The following IFNG-AS1 variants were observed in gnomAD, a reference collection of about 807,000 sequenced individuals.
IFNG-AS1 encodes IFNG antisense RNA 1 (non-protein coding).
intron 2 of IFNG-AS1, among the ~76,000 whole-genome samples, chr12:67,996,649 TTC>T (rs1449304815): frequency 6.6e-6 from 1 of 152,190 alleles, no homozygotes; most frequent in Non-Finnish European, 1.5e-5. Flanking sequence ...TGAACTTGGC[TTC>T]TCTCTTTCAA....
chr12:67,990,262 C>T (rs1384415088), intron 1 of IFNG-AS1, among the ~76,000 whole-genome samples: 1 of 152,160 alleles, frequency 6.6e-6, no homozygotes, highest in Non-Finnish European at 1.5e-5. Context: ...AAATTGACTT[C>T]TTAATGTTCT....
chr12:67,994,051 C>T (rs1440281983), intron 1 of IFNG-AS1, among the ~76,000 whole-genome samples: 1 of 152,210 alleles, frequency 6.6e-6, no homozygotes, highest in Non-Finnish European at 1.5e-5. Flanking sequence ...AAACCCCACT[C>T]ATTGTGGCAT....
At chr12:68,011,547 A>G (rs944443467) in intron 3 of IFNG-AS1, among the ~76,000 whole-genome samples, 5 of 152,240 alleles carry the variant, frequency 3.3e-5, no homozygotes, top group Admixed American at 6.5e-5. Context: ...TGATCTTGAG[A>G]TGATGTTCCA....
chr12:68,009,725 C>A (rs1431852080), intron 3 of IFNG-AS1, among the ~76,000 whole-genome samples: 3 of 152,126 alleles, frequency 2.0e-5, no homozygotes, highest in Non-Finnish European at 4.4e-5. Flanking sequence ...CTGGGCAGCT[C>A]TCCTCCATGC....
chr12:68,009,884 T>A (rs1216002285), intron 3 of IFNG-AS1, among the ~76,000 whole-genome samples: 2 of 152,180 alleles, frequency 1.3e-5, no homozygotes, highest in Non-Finnish European at 2.9e-5. Context: ...ATTAAAATAT[T>A]TGAAGCCCAC....
intron 1 of IFNG-AS1, chr12:67,995,823 C>T (rs1240207302): frequency 2.0e-5 from 3 of 151,722 alleles, no homozygotes; most frequent in Non-Finnish European, 4.4e-5. Context: ...TTTATCCCAA[C>T]AAATGCAAAA....
At chr12:68,002,152 T>G (rs1879783976) in intron 2 of IFNG-AS1, among the ~76,000 whole-genome samples, 1 of 152,218 alleles carries the variant, frequency 6.6e-6, no homozygotes, top group Non-Finnish European at 1.5e-5. Context: ...CTAGAATCAA[T>G]GAGACCAAGG....
chr12:68,006,341 GA>G (rs897233856), intron 3 of IFNG-AS1, among the ~76,000 whole-genome samples: 3 of 152,100 alleles, frequency 2.0e-5, no homozygotes, highest in South Asian at 2.1e-4. Context: ...AAGAATTCTA[GA>G]AAAAAGTTAA....
In IFNG-AS1 at chr12:67,992,249, A is replaced by G. The variant is rs369709034; in HGVS notation, n.51+2670A>G. ...TAATATCTGGCTTTGGTAATTCACC[A>G]TTAAATTGTTGAGGTTTATCCATGT... On this transcript the variant is annotated intron_variant and non_coding_transcript_variant, in intron 1 of 5. Coordinates refer to ENST00000536914, the Ensembl canonical transcript of IFNG-AS1. 7.9e-5 allele frequency among the ~76,000 whole-genome samples: 12 copies of G among 152,368 alleles called. No individual in the cohort carries two copies. The East Asian group carries it at 2.1e-3, about 27-fold the overall frequency.
Position 68,015,954 on chromosome 12 carries a change from A to G in IFNG-AS1, n.242-3908A>G, listed in dbSNP as rs567267590. The stretch of plus-strand genomic sequence containing the variant: ...CTGAAAACTAGAGACGGGGGGGGGA[A>G]AAAAAACCTTTCCCAGAAATTGACA... On this transcript the variant is annotated intron_variant and non_coding_transcript_variant, in intron 3 of 5. Transcript: ENST00000536914. 8.1e-5 allele frequency among the ~76,000 whole-genome samples: 12 copies of G among 147,748 alleles called. No individual in the cohort carries two copies. The South Asian group carries it at 1.7e-3, about 21-fold the overall frequency.
chr12:67,995,722 C>CAA (rs34179056), intron 1 of IFNG-AS1, among the ~76,000 whole-genome samples: 15 of 77,324 alleles, frequency 1.9e-4, no homozygotes, highest in East Asian at 1.2e-3. Context: ...ACTCGGTCTC[C>CAA]AAAAAAAAAA....
At chr12:68,001,541 GC>G in intron 2 of IFNG-AS1, 1 of 213,100 alleles carries the variant, frequency 4.7e-6, no homozygotes, top group South Asian at 8.7e-5. Flanking sequence ...AACCTTGCGA[GC>G]AGACATAGTG....
chr12:68,005,293 G>C (rs1373705684), intron 2 of IFNG-AS1, among the ~76,000 whole-genome samples: 1 of 152,166 alleles, frequency 6.6e-6, no homozygotes, highest in Non-Finnish European at 1.5e-5. Flanking sequence ...TTATTCCTTA[G>C]AGGGTTTACA....
intron 2 of IFNG-AS1, among the ~76,000 whole-genome samples, chr12:68,002,743 G>A (rs569180873): frequency 2.0e-5 from 3 of 152,246 alleles, no homozygotes; most frequent in East Asian, 3.9e-4. Flanking sequence ...TTTCATAGAT[G>A]AGGACTTTTG....
chr12:68,019,116 G>A (rs1180797368), intron 3 of IFNG-AS1, among the ~76,000 whole-genome samples: 9 of 152,018 alleles, frequency 5.9e-5, no homozygotes, highest in East Asian at 1.9e-4. Flanking sequence ...CTTTAATTTC[G>A]AGGCAAATGG....
chr12:68,017,293 GTGAAGGTTTGGGT>G (rs1228722639), intron 3 of IFNG-AS1, among the ~76,000 whole-genome samples: 2 of 152,186 alleles, frequency 1.3e-5, no homozygotes, highest in Non-Finnish European at 2.9e-5. Context: ...GTAAACCATG[GTGAAGGTTTGGGT>G]TGAATTCCAA....
intron 3 of IFNG-AS1, among the ~76,000 whole-genome samples, chr12:68,011,871 A>G (rs1334353899): frequency 6.6e-6 from 1 of 152,116 alleles, no homozygotes; most frequent in Non-Finnish European, 1.5e-5. Flanking sequence ...AAGATTAGAG[A>G]GAATAGAGAA....
In IFNG-AS1 at chr12:68,016,215, T is replaced by G. The variant is rs137995888; in HGVS notation, n.242-3647T>G. Among the ~76,000 whole-genome samples the G allele has an allele frequency of 2.4e-3, 359 of 152,228 alleles. 2 individuals carry two copies. Among genetic ancestry groups the G allele is most frequent in the Middle Eastern group, 0.01 (3 of 294 alleles). On this transcript the variant is annotated intron_variant and non_coding_transcript_variant, in intron 3 of 5. Transcript: ENST00000536914. Reference sequence around the variant, plus strand: ...ATCAGAAGTTACAGGTGACCTCAGATCTCCTCTCTTGCGATGCATACCGTG... The same window carrying G: ...ATCAGAAGTTACAGGTGACCTCAGAGCTCCTCTCTTGCGATGCATACCGTG...
In IFNG-AS1 at chr12:68,010,999, T is replaced by C. The variant is rs1880013232; in HGVS notation, n.241+4853T>C. On this transcript the variant is annotated intron_variant and non_coding_transcript_variant, in intron 3 of 5. Coordinates refer to ENST00000536914, the Ensembl canonical transcript of IFNG-AS1. Reference sequence around the variant, plus strand: ...ATTATCTCGTTGAATCTTCAGACACTACTATGAGGTAGGTTTTTAGATGAG... The same window carrying C: ...ATTATCTCGTTGAATCTTCAGACACCACTATGAGGTAGGTTTTTAGATGAG... 2.0e-5 allele frequency among the ~76,000 whole-genome samples: 3 copies of C among 152,220 alleles called. No individual in the cohort carries two copies. The South Asian group carries it at 6.2e-4, about 32-fold the overall frequency.
Sources: allele counts gnomAD v4.1 joint callset (sites outside exome capture counted in the v4.1 genomes callset), GRCh38; gene constraint gnomAD v4.1.1; transcripts MANE v1.5; gene names NCBI Gene and HGNC (gene_info 2026-07-23, HGNC 2026-07-21).